SLC14A2: variants seen among roughly 807,000 people sequenced by gnomAD.
SLC14A2 encodes the protein solute carrier family 14 member 2.
Under a neutral mutation model 104.6 loss-of-function variants are expected in SLC14A2, and 91 were observed. That is an observed-to-expected ratio of 0.87 (90% CI 0.73 to 1.04). The LOEUF (loss-of-function observed/expected upper bound fraction) is 1.04. Ranked by LOEUF, SLC14A2 falls within the 50% of genes least tolerant of loss-of-function variation. The pLI, the probability that SLC14A2 is intolerant of heterozygous loss-of-function variation, is 0.00. For missense variants in SLC14A2, 1,189 were observed against 1,156.0 expected (o/e 1.03, Z -0.41); for synonymous variants, 476 against 466.4 (o/e 1.02, Z -0.27).
At chr18:45,182,214 TAAA>T in the SLC14A2 span, among the ~76,000 whole-genome samples, 1 of 151,978 alleles carries the variant, frequency 6.6e-6, no homozygotes, top group Admixed American at 6.5e-5. Context: ...AACAGACTTT[TAAA>T]AATAATATTT....
intron 8 of SLC14A2, among the ~76,000 whole-genome samples, chr18:45,642,579 C>A (rs2045548836): frequency 6.6e-6 from 1 of 152,222 alleles, no homozygotes; most frequent in South Asian, 2.1e-4. Context: ...CATGGACGAG[C>A]TTTCCTGACT....
At chr18:45,480,092 C>A (rs1317564297) in intron 1 of SLC14A2, among the ~76,000 whole-genome samples, 2 of 152,056 alleles carry the variant, frequency 1.3e-5, no homozygotes, top group Non-Finnish European at 2.9e-5. Context: ...AGGAAGCAAC[C>A]CATAAGTGCC....
At position 45,632,344 on chromosome 18, in the gene SLC14A2, C is replaced by T. The variant is rs367671423; in HGVS notation, c.522-6C>T. 385 of 1,609,952 alleles carry T rather than the reference C, an allele frequency of 2.4e-4. No homozygotes were observed. Among genetic ancestry groups the T allele is most frequent in the Middle Eastern group, 5.0e-4 (3 of 6,052 alleles). On this transcript the variant is annotated splice_region_variant and splice_polypyrimidine_tract_variant and intron_variant, in intron 4 of 19. Transcript: ENST00000255226. ...CAAATGCAAAATCAGTCTGTTTCAC[C>T]GCCAGGTCTGCCATTGCCTCAGGAC...
rs138158754 is a variant in SLC14A2 at position 45,426,544 on chromosome 18, ATGTG to A, written c.-124-56671_-124-56668del. On this transcript the variant is annotated intron_variant, in intron 1 of 20. Transcript: ENST00000586448. ...ACAAGCAGAGCCGAATGAGATCAGC[ATGTG>A]TGTGTGTGTGTGTGTGTATACACAC... 2.6e-3 allele frequency among the ~76,000 whole-genome samples: 335 copies of A among 131,100 alleles called. 1 individual carries two copies. Among genetic ancestry groups the A allele is most frequent in the Middle Eastern group, 4.0e-3 (1 of 250 alleles). The allele number at this position is 131,100 out of a possible 152,430, so 86.0% of individuals were successfully genotyped here. A position where few individuals can be genotyped will look rare whatever the true frequency, so the allele number is the denominator to read the frequency against.
intron 1 of SLC14A2, among the ~76,000 whole-genome samples, chr18:45,281,803 G>T (rs1179818744): frequency 6.6e-6 from 1 of 152,166 alleles, no homozygotes; most frequent in African/African-American, 2.4e-5. Flanking sequence ...AACACTTCTA[G>T]GTCTAATCAT....
chr18:45,666,482 G>C (rs1409647642), intron 12 of SLC14A2, among the ~76,000 whole-genome samples: 1 of 151,628 alleles, frequency 6.6e-6, no homozygotes, highest in Non-Finnish European at 1.5e-5. Flanking sequence ...GCTGGTGCCT[G>C]TTTTCAAAAA....
the SLC14A2 span, among the ~76,000 whole-genome samples, chr18:45,169,836 C>A: frequency 6.6e-6 from 1 of 152,142 alleles, no homozygotes; most frequent in African/African-American, 2.4e-5. Context: ...TCCACTTGCA[C>A]CATCAGGCCA....
rs553009843 is a variant in SLC14A2 at position 45,561,618 on chromosome 18, T to C, written c.-34-63013T>C. On this transcript the variant is annotated intron_variant, in intron 2 of 20. Transcript: ENST00000586448. ...TGTTAACCTTCTCTTATTTGCTTCA[T>C]ATTTTTTAATAAAAATGAAAAATAT... Among the ~76,000 whole-genome samples, 7 of 152,344 alleles carry C rather than the reference T, an allele frequency of 4.6e-5. No individual in the cohort carries two copies. In the East Asian group the frequency reaches 5.8e-4, roughly 13 times the overall value.
At chr18:45,578,260 A>G (rs540588340) in intron 2 of SLC14A2, among the ~76,000 whole-genome samples, 7 of 152,194 alleles carry the variant, frequency 4.6e-5, no homozygotes, top group Non-Finnish European at 1.0e-4. Context: ...CACAAATTTC[A>G]TCACTCACTT....
intron 1 of SLC14A2, chr18:45,440,541 G>T (rs1295787347): frequency 1.3e-5 from 2 of 152,208 alleles, no homozygotes; most frequent in Non-Finnish European, 2.9e-5. Context: ...CTAGGCAGGG[G>T]GAGGCAAACC....
intron 2 of SLC14A2, chr18:45,485,317 CT>C (rs1177249920): frequency 1.3e-5 from 2 of 152,214 alleles, no homozygotes; most frequent in Admixed American, 6.5e-5. Flanking sequence ...TTTGAAGAGA[CT>C]TAGTCTCAAT....
At chr18:45,276,476 A>G (rs1327878346) in intron 1 of SLC14A2, among the ~76,000 whole-genome samples, 3 of 152,202 alleles carry the variant, frequency 2.0e-5, no homozygotes, top group Non-Finnish European at 4.4e-5. Context: ...GGTAGAAAGC[A>G]AGGAAGGTAG....
the SLC14A2 span, among the ~76,000 whole-genome samples, chr18:45,193,578 ATCTT>A: frequency 2.6e-4 from 40 of 152,294 alleles, 1 homozygote; most frequent in East Asian, 5.2e-3. Flanking sequence ...ATATTTGTCT[ATCTT>A]TCTGTGACTA....
intron 2 of SLC14A2, among the ~76,000 whole-genome samples, chr18:45,581,133 G>A (rs1473752623): frequency 2.0e-5 from 3 of 152,186 alleles, no homozygotes; most frequent in Non-Finnish European, 2.9e-5. Flanking sequence ...GGTGGAGTGA[G>A]GGTATATGGG....
At chr18:45,500,352 C>T (rs1160947269) in intron 2 of SLC14A2, among the ~76,000 whole-genome samples, 1 of 151,832 alleles carries the variant, frequency 6.6e-6, no homozygotes, top group African/African-American at 2.4e-5. Context: ...CCGAGGCGGG[C>T]GGATCACGAG....
At chr18:45,622,136 T>C (rs1048716576) in intron 1 of SLC14A2, among the ~76,000 whole-genome samples, 4 of 152,168 alleles carry the variant, frequency 2.6e-5, no homozygotes, top group African/African-American at 7.2e-5. Context: ...ATATGGCAAC[T>C]CTTCCCTGCG....
chr18:45,457,487 G>A (rs372668869), intron 1 of SLC14A2, among the ~76,000 whole-genome samples: 39 of 152,124 alleles, frequency 2.6e-4, no homozygotes, highest in African/African-American at 8.5e-4. Flanking sequence ...CTCATAGCTC[G>A]GGTAGCAAAG....
chr18:45,514,269 G>A (rs969255207), intron 2 of SLC14A2, among the ~76,000 whole-genome samples: 3 of 152,320 alleles, frequency 2.0e-5, no homozygotes, highest in Admixed American at 6.5e-5. Flanking sequence ...TGAAGGAGAA[G>A]CAGGCACATC....
chr18:45,659,954 G>A (rs1372107930), intron 10 of SLC14A2, among the ~76,000 whole-genome samples: 2 of 134,760 alleles, frequency 1.5e-5, no homozygotes, highest in African/African-American at 5.6e-5. Flanking sequence ...ATGAGACACT[G>A]GCTCTACAAA....
Sources: allele counts gnomAD v4.1 joint callset (sites outside exome capture counted in the v4.1 genomes callset), GRCh38; gene constraint gnomAD v4.1.1; transcripts MANE v1.5; gene names NCBI Gene and HGNC (gene_info 2026-07-23, HGNC 2026-07-21).